Variants in ZBTB16 observed in about 807,000 individuals in gnomAD.
ZBTB16 encodes the protein zinc finger and BTB domain-containing protein 16.
ZBTB16 carries 8 observed loss-of-function variants against 56.8 expected under a neutral mutation model. That is an observed-to-expected ratio of 0.14 (90% confidence interval 0.08 to 0.25). The LOEUF (loss-of-function observed/expected upper bound fraction) is 0.25. Among genes scored for constraint, ZBTB16 ranks in the 10% least tolerant of loss-of-function variants. The pLI is 1.00. For synonymous variants in ZBTB16, 363 were observed against 368.5 expected (o/e 0.98, Z 0.17); for missense variants, 625 against 903.0 (o/e 0.69, Z 3.95).
At chr11:114,107,105 G>C (rs538901388) in intron 2 of ZBTB16, among the ~76,000 whole-genome samples, 1 of 152,116 alleles carries the variant, frequency 6.6e-6, no homozygotes, top group African/African-American at 2.4e-5. Flanking sequence ...TCCCAGCCAC[G>C]AGGCGCCAGG....
At chr11:114,126,388 C>T (rs1354732827) in intron 2 of ZBTB16, among the ~76,000 whole-genome samples, 2 of 152,154 alleles carry the variant, frequency 1.3e-5, no homozygotes, top group Non-Finnish European at 2.9e-5. Context: ...TCATTCCCAC[C>T]TCTGGGACAT....
At chr11:114,071,711 G>A (rs982189717) in intron 2 of ZBTB16, among the ~76,000 whole-genome samples, 2 of 152,110 alleles carry the variant, frequency 1.3e-5, no homozygotes, top group African/African-American at 4.8e-5. Flanking sequence ...CCATTGGAGG[G>A]TTTCTGAATT....
At chr11:114,235,230 A>G (rs1944540124) in intron 4 of ZBTB16, among the ~76,000 whole-genome samples, 1 of 152,184 alleles carries the variant, frequency 6.6e-6, no homozygotes, top group Admixed American at 6.5e-5. Flanking sequence ...ATGTGCATGC[A>G]CGAGCACACA....
chr11:114,212,644 A>G (rs1383995992), intron 4 of ZBTB16, among the ~76,000 whole-genome samples: 1 of 152,220 alleles, frequency 6.6e-6, no homozygotes, highest in Non-Finnish European at 1.5e-5. Context: ...TCCTTTGAGC[A>G]TGCCAGGTTG....
intron 3 of ZBTB16, among the ~76,000 whole-genome samples, chr11:114,160,090 T>C (rs534070851): frequency 6.6e-6 from 1 of 152,244 alleles, no homozygotes; most frequent in East Asian, 1.9e-4. Flanking sequence ...GCCGAACGGC[T>C]CTCACTTCCT....
intron 4 of ZBTB16, 129 bp from the exon 5 acceptor site, chr11:114,242,038 C>T (rs1944716112): frequency 7.8e-6 from 10 of 1,274,416 alleles, no homozygotes; most frequent in African/African-American, 1.5e-5. Context: ...CCTGGGCCCA[C>T]TCTGGATTTG....
chr11:114,167,272 C>T (rs1333653847), intron 3 of ZBTB16, among the ~76,000 whole-genome samples: 2 of 90,480 alleles, frequency 2.2e-5, no homozygotes, highest in Non-Finnish European at 1.9e-5. Flanking sequence ...TGGTTTTCAG[C>T]AGCCAGGAAG....
At chr11:114,224,082 T>A (rs1196114423) in intron 4 of ZBTB16, among the ~76,000 whole-genome samples, 1 of 152,200 alleles carries the variant, frequency 6.6e-6, no homozygotes, top group African/African-American at 2.4e-5. Flanking sequence ...AGGATCTTAA[T>A]CAGGGGAGGG....
Position 114,094,239 on chromosome 11 carries a change from C to T in ZBTB16, c.1268+29671C>T, listed in dbSNP as rs528756080. On this transcript the variant is annotated intron_variant, in intron 2 of 6. Coordinates refer to ENST00000335953, the MANE Select transcript of ZBTB16 (RefSeq NM_006006.6). Reference sequence around the variant, plus strand: ...CTGAGGCTGGAGGATGGCGTGAACCCGGGAGGCAGAGTTTGCAGTGAGCTG... The same window carrying T: ...CTGAGGCTGGAGGATGGCGTGAACCTGGGAGGCAGAGTTTGCAGTGAGCTG... 3.8e-3 allele frequency among the ~76,000 whole-genome samples: 570 copies of T among 151,958 alleles called. 3 individuals are homozygous for T. Among genetic ancestry groups the T allele is most frequent in the African/African-American group, 0.013 (545 of 41,442 alleles).
intron 2 of ZBTB16, among the ~76,000 whole-genome samples, chr11:114,088,741 C>T (rs187227412): frequency 1.3e-5 from 2 of 152,312 alleles, no homozygotes; most frequent in African/African-American, 2.4e-5. Context: ...CAGAAGCAGG[C>T]CCAGACTCAG....
chr11:114,242,407 G>A (rs567251869), intron 5 of ZBTB16, 70 bp downstream of exon 5: 16 of 1,577,790 alleles, frequency 1.0e-5, no homozygotes, highest in Middle Eastern at 2.3e-4. Flanking sequence ...CTCCAAGGAC[G>A]TAAAGTGGAG....
intron 2 of ZBTB16, among the ~76,000 whole-genome samples, chr11:114,107,757 G>A (rs1458892915): frequency 6.6e-6 from 1 of 152,222 alleles, no homozygotes; most frequent in East Asian, 1.9e-4. Context: ...TGACCTTGGT[G>A]ATGAATAATT....
intron 2 of ZBTB16, among the ~76,000 whole-genome samples, chr11:114,138,638 G>A (rs890802517): frequency 6.6e-6 from 1 of 151,044 alleles, no homozygotes; most frequent in Non-Finnish European, 1.5e-5. Context: ...GTTGAGTTTT[G>A]AGTCAACTAC....
intron 3 of ZBTB16, among the ~76,000 whole-genome samples, chr11:114,185,610 C>G (rs1327209992): frequency 6.6e-6 from 1 of 152,202 alleles, no homozygotes; most frequent in Non-Finnish European, 1.5e-5. Flanking sequence ...TTGCGGGTGG[C>G]TGGTGGTGTG....
chr11:114,256,468 A>G lies in ZBTB16; in HGVS notation c.*5913A>G, dbSNP rs564745684. ...GTGAGCAGCAGTCAGAACTCCATCC[A>G]CCTCTCCTGATACCAGGCCAGGTTC... On this transcript the variant is annotated 3_prime_UTR_variant, in exon 7 of 7. Transcript: ENST00000335953. Among the ~76,000 whole-genome samples, 2 of 151,986 alleles carry G rather than the reference A, an allele frequency of 1.3e-5. No individual in the cohort carries two copies. The highest frequency in any genetic ancestry group is 3.9e-4 in the East Asian group (2 of 5,168).
chr11:114,067,889 T>C (rs1440343300), intron 2 of ZBTB16, among the ~76,000 whole-genome samples: 1 of 152,040 alleles, frequency 6.6e-6, no homozygotes, highest in African/African-American at 2.4e-5. Flanking sequence ...CTAGATGTAC[T>C]TTGTAGAAGG....
In ZBTB16 at chr11:114,225,728, C is replaced by T. The variant is rs1944316465; in HGVS notation, c.1454-16439C>T. 3.9e-5 allele frequency among the ~76,000 whole-genome samples: 6 copies of T among 152,304 alleles called. No individual in the cohort carries two copies. The South Asian group carries it at 1.2e-3, about 32-fold the overall frequency. On this transcript the variant is annotated intron_variant, in intron 4 of 6. Transcript: ENST00000335953. ...AGGAACTTTGGGGGACACATTTAAA[C>T]CATAGAAGTACCTAAGTTAAAACAC...
At chr11:114,115,688 G>A (rs1941150180) in intron 2 of ZBTB16, among the ~76,000 whole-genome samples, 1 of 152,164 alleles carries the variant, frequency 6.6e-6, no homozygotes, top group Non-Finnish European at 1.5e-5. Context: ...TTGTCTAACA[G>A]CCACGTATTA....
intron 2 of ZBTB16, among the ~76,000 whole-genome samples, chr11:114,100,253 T>C (rs1177518357): frequency 6.6e-6 from 1 of 152,234 alleles, no homozygotes; most frequent in African/African-American, 2.4e-5. Flanking sequence ...GTCATCTCTC[T>C]CTGCTCATGG....
Sources: gnomAD v4.1 joint callset for allele counts (sites outside exome capture counted in the v4.1 genomes callset) on GRCh38, gnomAD v4.1.1 for gene constraint, MANE v1.5 for transcripts, NCBI Gene and HGNC (gene_info 2026-07-23, HGNC 2026-07-21) for gene names.